Variants in AP4E1 observed in about 807,000 individuals in gnomAD.
The protein encoded by AP4E1 is AP-4 complex subunit epsilon-1.
AP4E1 carries 56 observed loss-of-function variants against 128.2 expected under a neutral mutation model. The ratio of observed to expected loss-of-function variants is 0.44; its 90% CI spans 0.35 to 0.55. The LOEUF is 0.55. Among genes scored for constraint, AP4E1 ranks in the 20% least tolerant of loss-of-function variants. AP4E1 has a pLI of 0.00. For missense variants in AP4E1, 1,324 were observed against 1,307.7 expected (o/e 1.01, Z -0.19); for synonymous variants, 484 against 473.1 (o/e 1.02, Z -0.30).
intron 14 of AP4E1, among the ~76,000 whole-genome samples, chr15:50,964,072 G>A (rs2064355276): frequency 6.6e-6 from 1 of 152,154 alleles, no homozygotes; most frequent in South Asian, 2.1e-4. Context: ...GAAGTTTTTA[G>A]CTATTATTTT....
chr15:50,911,507 G>C (rs2063566543), intron 1 of AP4E1, among the ~76,000 whole-genome samples: 1 of 143,686 alleles, frequency 7.0e-6, no homozygotes, highest in Non-Finnish European at 1.5e-5. Flanking sequence ...TTTTTAGATG[G>C]AGTCTTGCTC....
rs542574296 is a variant in AP4E1, at chr15:50,910,805, G to A, written c.151-1273G>A. Among the ~76,000 whole-genome samples the A allele has an allele frequency of 9.9e-5, 15 of 152,266 alleles. No homozygotes were observed. In the South Asian group the frequency reaches 2.5e-3, roughly 25 times the overall value. On this transcript the variant is annotated intron_variant, in intron 1 of 20. Transcript: ENST00000261842. ...CTGGTAGCTGGGATTACAGGCACAC[G>A]TCACCATACCCGGCTAATTTTTATA...
At chr15:50,908,012 A>G (rs1367079796), upstream of AP4E1, among the ~76,000 whole-genome samples, 1 of 152,124 alleles carries the variant, frequency 6.6e-6, no homozygotes, top group Admixed American at 6.5e-5. Context: ...GGGCCAGGGG[A>G]GTGGGCTCTA....
At chr15:50,986,215 T>A (rs905368094) in intron 16 of AP4E1, among the ~76,000 whole-genome samples, 8 of 152,046 alleles carry the variant, frequency 5.3e-5, no homozygotes, top group Admixed American at 6.6e-5. Flanking sequence ...GGGCTGAGAC[T>A]GTGGGGTTTT....
At chr15:50,933,964 A>G (rs934971594) in intron 7 of AP4E1, among the ~76,000 whole-genome samples, 1 of 151,876 alleles carries the variant, frequency 6.6e-6, no homozygotes, top group African/African-American at 2.4e-5. Flanking sequence ...AGTTTTTCAC[A>G]TTGGCCTCTT....
At chr15:50,934,251 A>C (rs956584675) in intron 7 of AP4E1, among the ~76,000 whole-genome samples, 12 of 152,040 alleles carry the variant, frequency 7.9e-5, no homozygotes, top group African/African-American at 2.9e-4. Context: ...AATACAGTTA[A>C]TATGCTATCT....
intron 16 of AP4E1, among the ~76,000 whole-genome samples, chr15:50,988,970 T>A (rs1370495743): frequency 6.6e-6 from 1 of 152,172 alleles, no homozygotes. Flanking sequence ...TTTAGAAACA[T>A]AATTAAGTGA....
intron 15 of AP4E1, among the ~76,000 whole-genome samples, chr15:50,969,523 T>C (rs2064447686): frequency 1.5e-5 from 2 of 137,630 alleles, no homozygotes; most frequent in South Asian, 2.3e-4. Context: ...ATTTTCTTAA[T>C]TGACAAATAA....
chr15:50,918,341 A>G (rs2063654220), intron 3 of AP4E1, among the ~76,000 whole-genome samples: 1 of 152,108 alleles, frequency 6.6e-6, no homozygotes, highest in Non-Finnish European at 1.5e-5. Context: ...TGGTCCTGCC[A>G]TTTTTGTTTT....
intron 3 of AP4E1, among the ~76,000 whole-genome samples, chr15:50,922,927 G>A (rs555504311): frequency 7.2e-5 from 11 of 152,060 alleles, no homozygotes; most frequent in Admixed American, 4.6e-4. Context: ...ACAGGTGCCC[G>A]CCACCACGCC....
chr15:50,960,268 A>G (rs1300447342), intron 14 of AP4E1, among the ~76,000 whole-genome samples: 1 of 152,294 alleles, frequency 6.6e-6, no homozygotes, highest in East Asian at 1.9e-4. Flanking sequence ...GTCTAGACCA[A>G]ATGGACCTAA....
chr15:50,973,656 T>C (rs1449240722), intron 15 of AP4E1, among the ~76,000 whole-genome samples: 1 of 152,228 alleles, frequency 6.6e-6, no homozygotes, highest in African/African-American at 2.4e-5. Flanking sequence ...CTCATAAAAG[T>C]GGACCCATGC....
chr15:50,952,332 C>CA (rs1453727894), intron 13 of AP4E1, among the ~76,000 whole-genome samples: 2 of 151,566 alleles, frequency 1.3e-5, no homozygotes, highest in African/African-American at 4.8e-5. Context: ...AACATGGTAA[C>CA]ACCCCATCTC....
chr15:50,998,682 G>A (rs923427565), intron 18 of AP4E1, among the ~76,000 whole-genome samples: 3 of 151,952 alleles, frequency 2.0e-5, no homozygotes, highest in African/African-American at 7.3e-5. Context: ...ACCCTTCCCA[G>A]TTGCTTTAAC....
chr15:50,913,906 C>T (rs1180242200), intron 2 of AP4E1, among the ~76,000 whole-genome samples: 9 of 152,082 alleles, frequency 5.9e-5, no homozygotes, highest in African/African-American at 1.2e-4. Flanking sequence ...CTCTGCCTCT[C>T]GGGTTCAAGC....
chr15:50,976,451 G>A (rs1457880650), intron 15 of AP4E1, among the ~76,000 whole-genome samples: 1 of 152,052 alleles, frequency 6.6e-6, no homozygotes, highest in Admixed American at 6.6e-5. Flanking sequence ...AAAACCAAAA[G>A]CTTTTCCTCT....
At chr15:50,912,286 TC>T in intron 2 of AP4E1, 137 bp downstream of exon 2, 1 of 846,066 alleles carries the variant, frequency 1.2e-6, no homozygotes, top group Non-Finnish European at 2.0e-6. Context: ...TGGTAGCAAC[TC>T]AGATGTTAAC....
rs753833870 is a variant in AP4E1, at chr15:51,002,583, C to T, written c.3335C>T (p.Ala1112Val). The change falls in exon 21 of 21, where the codon GCC becomes GTC. Residue 1112 changes from alanine to valine, a missense_variant. Ala to Val is a moderately conservative substitution (Grantham distance 64). Transcript: ENST00000261842. ...LHCRVHADVL[A>V]LWFRSSCSTL... ...TGCCGAGTTCATGCAGATGTATTAG[C>T]CCTGTGGTTCAGATCCTCCTGTTCT... 6 of 1,614,160 alleles carry T rather than the reference C, an allele frequency of 3.7e-6. No homozygotes were observed. The South Asian group carries it at 6.6e-5, about 18-fold the overall frequency.
At chr15:50,921,527 T>C (rs1391302038) in intron 3 of AP4E1, among the ~76,000 whole-genome samples, 1 of 152,024 alleles carries the variant, frequency 6.6e-6, no homozygotes, top group Non-Finnish European at 1.5e-5. Context: ...TTTTGTGTTC[T>C]TAATAGAGGT....
Sources: allele counts gnomAD v4.1 joint callset (sites outside exome capture counted in the v4.1 genomes callset), GRCh38; gene constraint gnomAD v4.1.1; transcripts MANE v1.5; gene names NCBI Gene and HGNC (gene_info 2026-07-23, HGNC 2026-07-21).